Variants in AFG2B observed in about 807,000 individuals in gnomAD.
AFG2B encodes the protein AAA ATPase AFG2B.
At chr15:45,405,964 C>T in the AFG2B span, among the ~76,000 whole-genome samples, 1 of 151,862 alleles carries the variant, frequency 6.6e-6, no homozygotes, top group African/African-American at 2.4e-5. Context: ...TATATATATA[C>T]ATATATATAA....
At chr15:45,417,704 A>C in the AFG2B span, 2 of 269,798 alleles carry the variant, frequency 7.4e-6, no homozygotes, top group Non-Finnish European at 1.4e-5. Flanking sequence ...TTGAAGATTG[A>C]GTCAGCATCC....
chr15:45,407,058 T>G, the AFG2B span: 2 of 1,289,190 alleles, frequency 1.6e-6, no homozygotes, highest in South Asian at 1.2e-5. Flanking sequence ...CACCTCTCAC[T>G]TAGGTGGACC....
the AFG2B span, chr15:45,418,722 T>G: frequency 1.2e-6 from 2 of 1,600,324 alleles, no homozygotes; most frequent in Non-Finnish European, 1.7e-6. Context: ...TCAAAACATT[T>G]CTGCATCTTT....
the AFG2B span, chr15:45,418,588 A>G: frequency 6.2e-7 from 1 of 1,613,154 alleles, no homozygotes; most frequent in Non-Finnish European, 8.5e-7. Flanking sequence ...GTCTGTACAA[A>G]AACCATGCCA....
At chr15:45,410,318 A>G in the AFG2B span, 1 of 1,586,046 alleles carries the variant, frequency 6.3e-7, no homozygotes, top group Admixed American at 1.8e-5. Flanking sequence ...TGCTATAAAA[A>G]AAGACCAACC....
At chr15:45,419,996 CCAAA>C in the AFG2B span, among the ~76,000 whole-genome samples, 27 of 84,658 alleles carry the variant, frequency 3.2e-4, 4 homozygotes, top group South Asian at 0.012. Context: ...TCCCCCCCCC[CCAAA>C]AAAAAAAAAA....
At chr15:45,414,607 G>C in the AFG2B span, 1 of 1,614,150 alleles carries the variant, frequency 6.2e-7, no homozygotes, top group African/African-American at 1.3e-5. Context: ...TTGGGAATTT[G>C]TTAGAATGGG....
chr15:45,406,861 C>T, the AFG2B span, among the ~76,000 whole-genome samples: 1 of 152,222 alleles, frequency 6.6e-6, no homozygotes, highest in Non-Finnish European at 1.5e-5. Flanking sequence ...GTTATGTGAT[C>T]TTCTAGTTGA....
At chr15:45,417,181 G>T in the AFG2B span, 1 of 1,493,258 alleles carries the variant, frequency 6.7e-7, no homozygotes, top group East Asian at 2.3e-5. Context: ...ATCCCTATTT[G>T]AATTTAAATA....
At chr15:45,408,958 A>T in the AFG2B span, among the ~76,000 whole-genome samples, 1 of 152,318 alleles carries the variant, frequency 6.6e-6, no homozygotes, top group East Asian at 1.9e-4. Context: ...TACTATCATG[A>T]TTGCAAGACG....
the AFG2B span, among the ~76,000 whole-genome samples, chr15:45,412,832 T>C: frequency 6.6e-6 from 1 of 152,218 alleles, no homozygotes; most frequent in African/African-American, 2.4e-5. Context: ...GGGACGCAAC[T>C]CTTCAGATCC....
At chr15:45,414,858 T>C in the AFG2B span, 1 of 1,246,558 alleles carries the variant, frequency 8.0e-7, no homozygotes, top group Non-Finnish European at 1.1e-6. Flanking sequence ...TTTTTAAAAA[T>C]ATTACTAGTG....
the AFG2B span, chr15:45,405,283 ACTTCTT>A: frequency 3.2e-6 from 5 of 1,583,472 alleles, no homozygotes; most frequent in Non-Finnish European, 4.3e-6. Flanking sequence ...TAAACTATAT[ACTTCTT>A]CTTCTTTTTT....
chr15:45,417,346 T>C, the AFG2B span: 1 of 1,614,124 alleles, frequency 6.2e-7, no homozygotes, highest in South Asian at 1.1e-5. Context: ...TACTGCTTTG[T>C]TACGACCTGG....
At chr15:45,421,020 T>C in the AFG2B span, 1 of 1,598,636 alleles carries the variant, frequency 6.3e-7, no homozygotes, top group Non-Finnish European at 8.5e-7. Flanking sequence ...AGAAATTGTT[T>C]TCTATTGCTT....
At chr15:45,411,999 G>A in the AFG2B span, among the ~76,000 whole-genome samples, 1 of 152,236 alleles carries the variant, frequency 6.6e-6, no homozygotes, top group Admixed American at 6.5e-5. Flanking sequence ...TCAGGAGGCT[G>A]AGGCAGGAGA....
At chr15:45,410,586 A>G in the AFG2B span, 51 of 1,498,760 alleles carry the variant, frequency 3.4e-5, no homozygotes, top group African/African-American at 2.6e-4. Context: ...CATTCTGTGC[A>G]TTTATGATGA....
the AFG2B span, among the ~76,000 whole-genome samples, chr15:45,413,228 T>C: frequency 1.3e-5 from 2 of 152,320 alleles, no homozygotes; most frequent in African/African-American, 4.8e-5. Flanking sequence ...AGAGTCCTCC[T>C]CTTGTTGGAG....
chr15:45,408,170 A>G, the AFG2B span, among the ~76,000 whole-genome samples: 4 of 152,236 alleles, frequency 2.6e-5, no homozygotes, highest in African/African-American at 4.8e-5. Context: ...GACAATAAAC[A>G]TGAAAGATGT....
Sources: allele counts gnomAD v4.1 joint callset (sites outside exome capture counted in the v4.1 genomes callset), GRCh38; gene constraint gnomAD v4.1.1; transcripts MANE v1.5; gene names NCBI Gene and HGNC (gene_info 2026-07-23, HGNC 2026-07-21).